Variants in FAM184A observed in about 807,000 individuals in gnomAD.
FAM184A encodes family with sequence similarity 184 member A, also known as protein FAM184A.
Under a neutral mutation model 143.8 loss-of-function variants are expected in FAM184A, and 99 were observed. The ratio of observed to expected loss-of-function variants is 0.69; its 90% CI spans 0.58 to 0.81. The LOEUF (loss-of-function observed/expected upper bound fraction) is 0.81, where lower values mean the gene tolerates loss of function less well. Among genes scored for constraint, FAM184A ranks in the 40% least tolerant of loss-of-function variants. The pLI is 0.00. For synonymous variants in FAM184A, 427 were observed against 446.4 expected, an observed-to-expected ratio of 0.96 and a Z score of 0.55; for missense variants, 1,217 against 1,310.5, an observed-to-expected ratio of 0.93 and a Z score of 1.10.
At chr6:119,132,132 A>T (rs2114877226) in intron 1 of FAM184A, among the ~76,000 whole-genome samples, 1 of 152,318 alleles carries the variant, frequency 6.6e-6, no homozygotes, top group East Asian at 1.9e-4. Flanking sequence ...ACATTCCTTC[A>T]TTTGTTTATT....
intron 17 of FAM184A, chr6:118,960,975 TTAAC>T (rs1333495566): frequency 5.9e-5 from 24 of 407,126 alleles, no homozygotes; most frequent in Non-Finnish European, 8.6e-5. Flanking sequence ...TTGTTAATCA[TTAAC>T]TATGTCACTA....
chr6:118,991,696 G>A (rs1250721115), intron 9 of FAM184A, among the ~76,000 whole-genome samples: 2 of 150,550 alleles, frequency 1.3e-5, no homozygotes, highest in Admixed American at 6.6e-5. Flanking sequence ...GTAGGACAGT[G>A]AGAGTCGGAA....
chr6:119,107,495 C>G (rs1339034809), intron 1 of FAM184A, among the ~76,000 whole-genome samples: 1 of 152,196 alleles, frequency 6.6e-6, no homozygotes, highest in African/African-American at 2.4e-5. Flanking sequence ...GGCACAGTGG[C>G]TCATGCCTGC....
intron 8 of FAM184A, 120 bp from the exon 9 acceptor site, chr6:119,003,169 G>A: frequency 1.1e-6 from 1 of 901,566 alleles, no homozygotes; most frequent in Non-Finnish European, 1.6e-6. Context: ...TGATGCTGAG[G>A]AAAGCAGATT....
rs757848681 is a variant in FAM184A at position 119,003,029 on chromosome 6, C to A, written c.1958G>T (p.Arg653Leu). 6.2e-7 allele frequency: 1 copy of A among 1,606,604 alleles called. No individual in the cohort carries two copies. The highest frequency in any genetic ancestry group is 8.5e-7 in the Non-Finnish European group (1 of 1,177,944). Reference protein sequence around the residue: ...ENLRQECSKLREELRLQHEED... With the variant: ...ENLRQECSKLLEELRLQHEED... Reference sequence around the variant, plus strand: ...TTCATGTTGAAGCCTTAACTCTTCACGAAGTTTAGAACACTCTTGTCTAAA... The same window carrying A: ...TTCATGTTGAAGCCTTAACTCTTCAAGAAGTTTAGAACACTCTTGTCTAAA... The change falls in exon 9 of 18, where the codon CGT becomes CTT. Residue 653 changes from arginine (R) to leucine (L), a missense_variant. By Grantham distance (102) the Arg-to-Leu change is moderately radical. Transcript: ENST00000338891.
chr6:119,002,919 C>T lies in FAM184A; in HGVS notation c.2068G>A (p.Val690Ile). Reference sequence around the variant, plus strand: ...ATTACCTGGTTTAAGAGATCTTCTACTTTCTTCTGCCATGAATCTCTTGCT... The same window carrying T: ...ATTACCTGGTTTAAGAGATCTTCTATTTTCTTCTGCCATGAATCTCTTGCT... The part of the protein sequence containing the change: ...NAARDSWQKK[V>I]EDLLNQISLL... Residue 690 changes from valine (V) to isoleucine (I), a missense_variant, in exon 9 of 18, where the codon GTA (valine) becomes ATA (isoleucine). Coordinates refer to ENST00000338891, the MANE Select transcript of FAM184A (RefSeq NM_024581.6). The T allele has an allele frequency of 6.2e-7, 1 of 1,611,092 alleles. No individual in the cohort carries two copies.
intron 9 of FAM184A, among the ~76,000 whole-genome samples, chr6:118,990,590 A>AGG (rs71738372): frequency 0.57 from 86,232 of 151,090 alleles, 24,891 homozygotes; most frequent in East Asian, 0.76. Context: ...CTAATTAGGC[A>AGG]CATGGTGGCT....
intron 1 of FAM184A, among the ~76,000 whole-genome samples, chr6:119,038,157 C>T (rs181534709): frequency 6.6e-6 from 1 of 152,086 alleles, no homozygotes; most frequent in Admixed American, 6.5e-5. Context: ...CCAGCTGTCA[C>T]CTGAATCAAG....
chr6:119,073,052 C>A (rs963849586), intron 1 of FAM184A, among the ~76,000 whole-genome samples: 1 of 152,152 alleles, frequency 6.6e-6, no homozygotes, highest in Non-Finnish European at 1.5e-5. Flanking sequence ...GAGCTGAGAA[C>A]CTTACAGTCA....
At chr6:118,996,001 A>G (rs1416069003) in intron 9 of FAM184A, among the ~76,000 whole-genome samples, 3 of 152,176 alleles carry the variant, frequency 2.0e-5, no homozygotes, top group Non-Finnish European at 4.4e-5. Flanking sequence ...TTCTTAACGC[A>G]CACTCTCTTT....
At chr6:119,083,127 G>A (rs532449432), upstream of FAM184A, among the ~76,000 whole-genome samples, 12 of 152,314 alleles carry the variant, frequency 7.9e-5, no homozygotes, top group Non-Finnish European at 1.0e-4. Flanking sequence ...TGAGCTGTAC[G>A]TTGGTCCCTT....
chr6:118,987,574 T>G (rs188111602), intron 9 of FAM184A, among the ~76,000 whole-genome samples: 138 of 152,296 alleles, frequency 9.1e-4, no homozygotes, highest in African/African-American at 3.2e-3. Flanking sequence ...GGAAAGGGAT[T>G]TACTCTATTT....
At chr6:118,988,597 G>C (rs73767211) in intron 9 of FAM184A, among the ~76,000 whole-genome samples, 5,843 of 152,266 alleles carry the variant, frequency 0.038, 245 homozygotes, top group African/African-American at 0.1. Flanking sequence ...TTGGAAGCCA[G>C]AAATAAATAT....
At chr6:119,027,634 A>T (rs74944573) in intron 1 of FAM184A, among the ~76,000 whole-genome samples, 1 of 152,164 alleles carries the variant, frequency 6.6e-6, no homozygotes, top group Non-Finnish European at 1.5e-5. Context: ...GTTAAACGAA[A>T]AGGTAGCAGA....
chr6:119,025,530 AG>A (rs763133414), intron 1 of FAM184A: 2 of 518,796 alleles, frequency 3.9e-6, no homozygotes, highest in Admixed American at 3.9e-5. Flanking sequence ...TTTTGAGTAC[AG>A]GTCTTTATTT....
In FAM184A at chr6:119,024,243, G is replaced by C. The variant is rs6907441; in HGVS notation, c.730C>G (p.Leu244Val). 1.2e-6 allele frequency: 2 copies of C among 1,614,138 alleles called. No homozygotes were observed. The highest frequency in any genetic ancestry group is 2.2e-5 in the South Asian group (2 of 91,080). Residue 244 changes from leucine (L) to valine (V), a missense_variant, in exon 2 of 18, where the codon CTA becomes GTA. Physicochemically the swap from Leu to Val is conservative, Grantham distance 32. Transcript: ENST00000338891. ...LEELRLERKK[L>V]IEDYEGKLNK... ...AACTTGCCTTCATAATCCTCAATTA[G>C]TTTCTTCCGTTCAAGTCTTAGCTCC...
intron 2 of FAM184A, 113 bp downstream of exon 2, chr6:119,023,846 T>C: frequency 3.4e-6 from 2 of 584,292 alleles, no homozygotes; most frequent in Non-Finnish European, 2.6e-6. Context: ...AAAAAAAGTC[T>C]AAGTGGTGTG....
At chr6:119,006,229 G>C in intron 7 of FAM184A, 1 of 752,192 alleles carries the variant, frequency 1.3e-6, no homozygotes, top group South Asian at 1.4e-5. Context: ...GAACATAGCT[G>C]TGCCAACACC....
intron 1 of FAM184A, among the ~76,000 whole-genome samples, chr6:119,030,458 A>G (rs1785825928): frequency 1.3e-5 from 2 of 151,988 alleles, no homozygotes; most frequent in Non-Finnish European, 1.5e-5. Flanking sequence ...TTCTTTGAAC[A>G]TACAGAAGAT....
Sources: allele counts gnomAD v4.1 joint callset (sites outside exome capture counted in the v4.1 genomes callset), GRCh38; gene constraint gnomAD v4.1.1; transcripts MANE v1.5; gene names NCBI Gene and HGNC (gene_info 2026-07-23, HGNC 2026-07-21).